Variants in PRUNE1 observed in about 807,000 individuals in gnomAD.
PRUNE1 encodes the protein prune exopolyphosphatase 1, also known as exopolyphosphatase PRUNE1.
A neutral mutation model predicts 42.5 loss-of-function variants in PRUNE1; 25 were observed. The ratio of observed to expected loss-of-function variants is 0.59; its 90% CI spans 0.43 to 0.82. The LOEUF is 0.82. PRUNE1 is among the 40% of genes least tolerant of loss of function. PRUNE1 has a pLI of 0.00. For missense variants in PRUNE1, 443 were observed against 539.3 expected (o/e 0.82, Z 1.77); for synonymous variants, 203 against 217.1 (o/e 0.93, Z 0.57).
intron 6 of PRUNE1, 143 bp downstream of exon 6, chr1:151,027,470 G>C (rs587623530): frequency 1.0e-3 from 631 of 627,820 alleles, no homozygotes; most frequent in Non-Finnish European, 1.4e-3. Flanking sequence ...GTGACCACCA[G>C]AGTCCAGCAT....
chr1:151,010,182 C>A (rs890887104), intron 1 of PRUNE1, among the ~76,000 whole-genome samples: 4 of 152,000 alleles, frequency 2.6e-5, no homozygotes, highest in Non-Finnish European at 5.9e-5. Flanking sequence ...CTCCCCGGCT[C>A]AAGTGATCCT....
In PRUNE1 at chr1:151,027,262, G is replaced by A; in HGVS notation, c.709G>A (p.Asp237Asn). ...GLTTEQMLRK[D>N]QKTIYRQGVK... ...GACCACTGAGCAGATGCTGAGAAAA[G>A]ACCAGAAGACTATCTATAGACAAGG... Residue 237 changes from aspartate (D) to asparagine (N), a missense_variant, in exon 6 of 8, where the codon GAC becomes AAC. Coordinates refer to ENST00000271620, the MANE Select transcript of PRUNE1 (RefSeq NM_021222.3). 6.2e-7 allele frequency: 1 copy of A among 1,611,286 alleles called. No individual in the cohort carries two copies. Among genetic ancestry groups the A allele is most frequent in the Non-Finnish European group, 8.5e-7 (1 of 1,177,610 alleles).
At chr1:151,012,251 G>C (rs1489256011) in intron 1 of PRUNE1, among the ~76,000 whole-genome samples, 1 of 152,078 alleles carries the variant, frequency 6.6e-6, no homozygotes, top group Non-Finnish European at 1.5e-5. Flanking sequence ...TGTTTGGCTT[G>C]TGCTTTCAGC....
intron 3 of PRUNE1, among the ~76,000 whole-genome samples, chr1:151,021,950 G>A (rs1674471793): frequency 6.6e-6 from 1 of 150,604 alleles, no homozygotes; most frequent in African/African-American, 2.5e-5. Context: ...TTACAGGTAT[G>A]AGCCACCGTG....
In PRUNE1 at chr1:151,017,208, A is replaced by C. The variant is rs1486818832; in HGVS notation, c.40-604A>C. ...TGCCTTGAATGTATCAGCTACCCCA[A>C]ATTCCCTTTTTTGACTGTTTGAGTG... is the stretch of plus-strand genomic sequence containing the variant. On this transcript the variant is annotated intron_variant, in intron 1 of 7. Coordinates refer to ENST00000271620, the MANE Select transcript of PRUNE1 (RefSeq NM_021222.3). Among the ~76,000 whole-genome samples, 3 of 152,272 alleles carry C rather than the reference A, an allele frequency of 2.0e-5. No homozygotes were observed. The East Asian group carries it at 5.8e-4, about 29-fold the overall frequency.
intron 7 of PRUNE1, among the ~76,000 whole-genome samples, chr1:151,030,970 AG>A (rs1344885847): frequency 6.6e-6 from 1 of 152,210 alleles, no homozygotes; most frequent in Admixed American, 6.5e-5. Flanking sequence ...CCTGGAGCAG[AG>A]TAAGCACTTT....
At position 151,008,671 on chromosome 1, in the gene PRUNE1, G is replaced by A. The variant is rs753171775; in HGVS notation, c.39G>A (p.Gln13=). ...DYLQGCRAAL[Q]ESRPLHVVLG... ...TGCAGGGTTGTCGAGCTGCTCTGCA[G>A]GTAACGAATCCCTGTCTGTGACTGT... The change falls in exon 1 of 8, where the codon CAG becomes CAA. Residue 13 remains glutamine, a splice_region_variant and synonymous_variant. Transcript: ENST00000271620. 6.2e-7 allele frequency: 1 copy of A among 1,614,130 alleles called. No individual in the cohort carries two copies. The highest frequency in any genetic ancestry group is 1.3e-5 in the African/African-American group (1 of 75,010).
At chr1:151,010,861 G>A (rs1449515359) in intron 1 of PRUNE1, among the ~76,000 whole-genome samples, 1 of 151,934 alleles carries the variant, frequency 6.6e-6, no homozygotes, top group East Asian at 1.9e-4. Flanking sequence ...TCACCATGTT[G>A]GACAGGCTGG....
chr1:151,019,634 TA>T (rs1424145581), intron 3 of PRUNE1, among the ~76,000 whole-genome samples: 1 of 151,816 alleles, frequency 6.6e-6, no homozygotes, highest in African/African-American at 2.4e-5. Flanking sequence ...ATTCTCTTTT[TA>T]TTTTTTTACT....
At chr1:151,032,789 CT>C (rs200131111) in intron 7 of PRUNE1, among the ~76,000 whole-genome samples, 1,938 of 151,912 alleles carry the variant, frequency 0.013, 53 homozygotes, top group African/African-American at 0.044. Flanking sequence ...GGACAACTTA[CT>C]TTTTTTCTTG....
chr1:151,030,312 G>C (rs1200999956), intron 7 of PRUNE1, among the ~76,000 whole-genome samples: 1 of 151,810 alleles, frequency 6.6e-6, no homozygotes, highest in Non-Finnish European at 1.5e-5. Context: ...GGATTCTGAG[G>C]GTTGCCTAGG....
At chr1:151,022,458 G>A (rs187922202) in intron 3 of PRUNE1, among the ~76,000 whole-genome samples, 7 of 135,880 alleles carry the variant, frequency 5.2e-5, no homozygotes, top group African/African-American at 8.4e-5. Flanking sequence ...TCGCTCTGTC[G>A]CCCAGGCTGG....
intron 3 of PRUNE1, among the ~76,000 whole-genome samples, chr1:151,019,600 A>G (rs1674299055): frequency 6.6e-6 from 1 of 151,256 alleles, no homozygotes; most frequent in Admixed American, 6.6e-5. Context: ...TTATTGTAAT[A>G]GAAACCTTTG....
chr1:151,015,262 G>A (rs1388861724), intron 1 of PRUNE1, among the ~76,000 whole-genome samples: 1 of 151,650 alleles, frequency 6.6e-6, no homozygotes, highest in African/African-American at 2.4e-5. Context: ...GAACCCAGGA[G>A]GCAGAGGTTG....
At chr1:151,031,236 G>A (rs1292527328) in intron 7 of PRUNE1, among the ~76,000 whole-genome samples, 1 of 146,384 alleles carries the variant, frequency 6.8e-6, no homozygotes, top group Non-Finnish European at 1.5e-5. Context: ...TGACCAGGCT[G>A]GAGTGGTACA....
At chr1:151,025,158 T>TAAA (rs35413954) in intron 4 of PRUNE1, among the ~76,000 whole-genome samples, 1 of 150,150 alleles carries the variant, frequency 6.7e-6, no homozygotes, top group African/African-American at 2.4e-5. Context: ...TTTCCACTTG[T>TAAA]AAAAAAAAAG....
At chr1:151,024,186 CAAAA>C (rs34553676) in intron 3 of PRUNE1, among the ~76,000 whole-genome samples, 7 of 108,448 alleles carry the variant, frequency 6.5e-5, no homozygotes, top group African/African-American at 7.5e-5. Context: ...GACTCCGTCT[CAAAA>C]AAAAAAAAAA....
rs761577856 is a variant in PRUNE1, at chr1:151,027,255, G to T, written c.702G>T (p.Leu234=). The change falls in exon 6 of 8, where the codon CTG becomes CTT. Residue 234 remains leucine (L), a synonymous_variant. Transcript: ENST00000271620. ...TAGGACTGACCACTGAGCAGATGCT[G>T]AGAAAAGACCAGAAGACTATCTATA... ...DVSGLTTEQM[L]RKDQKTIYRQ... 6.2e-7 allele frequency: 1 copy of T among 1,610,694 alleles called. No individual in the cohort carries two copies. The highest frequency in any genetic ancestry group is 1.1e-5 in the South Asian group (1 of 90,982).
intron 3 of PRUNE1, among the ~76,000 whole-genome samples, chr1:151,021,061 C>T (rs868208672): frequency 6.1e-5 from 9 of 147,768 alleles, no homozygotes; most frequent in South Asian, 2.1e-4. Context: ...GCAGGAGAAT[C>T]GCTTGAACCT....
Sources: allele counts gnomAD v4.1 joint callset (sites outside exome capture counted in the v4.1 genomes callset), GRCh38; gene constraint gnomAD v4.1.1; transcripts MANE v1.5; gene names NCBI Gene and HGNC (gene_info 2026-07-23, HGNC 2026-07-21).